SORCS3: variants seen among roughly 807,000 people sequenced by gnomAD.
SORCS3 encodes VPS10 domain-containing receptor SorCS3.
Under a neutral mutation model 146.3 loss-of-function variants are expected in SORCS3, and 57 were observed. The ratio of observed to expected loss-of-function variants is 0.39; its 90% CI spans 0.31 to 0.49. SORCS3 has a LOEUF of 0.49. Ranked by LOEUF, SORCS3 falls within the 20% of genes least tolerant of loss-of-function variation. The probability of loss-of-function intolerance (pLI) is 0.92; values close to 1 mark genes in which losing one functional copy is unlikely to be tolerated. For missense variants in SORCS3, 1,341 were observed against 1,575.5 expected (o/e 0.85, Z 2.52); for synonymous variants, 653 against 618.5 (o/e 1.06, Z -0.83).
At chr10:104,696,715 TATATAACATATATA>T (rs1418312825) in intron 1 of SORCS3, among the ~76,000 whole-genome samples, 4 of 87,470 alleles carry the variant, frequency 4.6e-5, no homozygotes, top group South Asian at 3.2e-4. Context: ...GTATATATAA[TATATAACATATATA>T]ATATATAATA....
At chr10:105,072,122 T>C (rs2055560063) in intron 5 of SORCS3, among the ~76,000 whole-genome samples, 3 of 152,174 alleles carry the variant, frequency 2.0e-5, no homozygotes, top group African/African-American at 7.2e-5. Context: ...CTATTCTTGC[T>C]GGGTTGCAAT....
chr10:104,716,223 C>T (rs980988638), intron 1 of SORCS3, among the ~76,000 whole-genome samples: 1 of 152,072 alleles, frequency 6.6e-6, no homozygotes, highest in Non-Finnish European at 1.5e-5. Flanking sequence ...GATTATCTTT[C>T]CCAAACTAGA....
At chr10:104,949,651 A>G (rs1240587010) in intron 3 of SORCS3, among the ~76,000 whole-genome samples, 3 of 152,208 alleles carry the variant, frequency 2.0e-5, no homozygotes, top group African/African-American at 4.8e-5. Flanking sequence ...TAGGTTTTGC[A>G]TCTTTGTTCA....
chr10:105,135,547 GC>G (rs2056053365), intron 7 of SORCS3, among the ~76,000 whole-genome samples: 1 of 152,136 alleles, frequency 6.6e-6, no homozygotes, highest in Admixed American at 6.5e-5. Context: ...ACATGGCCAG[GC>G]TGAGAATTTT....
At chr10:104,723,993 G>C (rs965831749) in intron 1 of SORCS3, among the ~76,000 whole-genome samples, 1 of 152,114 alleles carries the variant, frequency 6.6e-6, no homozygotes, top group Non-Finnish European at 1.5e-5. Flanking sequence ...TTAATATTGT[G>C]ATGTGTGAAT....
rs890919245 is a variant in SORCS3, at chr10:105,103,374, A to G, written c.1094-2023A>G. ...CATGTCATACAAAGTTATTCAGGCCATATCCTAAGGCACTCAGCAATAGTG... is the reference window on the plus strand; with the variant it reads ...CATGTCATACAAAGTTATTCAGGCCGTATCCTAAGGCACTCAGCAATAGTG... On this transcript the variant is annotated intron_variant, in intron 6 of 26. Coordinates refer to ENST00000369701, the MANE Select transcript of SORCS3 (RefSeq NM_014978.3). 4.6e-5 allele frequency among the ~76,000 whole-genome samples: 7 copies of G among 152,222 alleles called. No individual in the cohort carries two copies. In the South Asian group the frequency reaches 6.2e-4, roughly 13 times the overall value.
chr10:105,060,188 G>C (rs2055475349), intron 5 of SORCS3, among the ~76,000 whole-genome samples: 1 of 152,178 alleles, frequency 6.6e-6, no homozygotes. Context: ...AGGCAAGCTT[G>C]TGTGCGTGCT....
chr10:105,180,130 G>C (rs2056434334), intron 14 of SORCS3, among the ~76,000 whole-genome samples: 1 of 152,198 alleles, frequency 6.6e-6, no homozygotes, highest in African/African-American at 2.4e-5. Flanking sequence ...GAAATTATTT[G>C]TCTGCAAGGA....
intron 1 of SORCS3, among the ~76,000 whole-genome samples, chr10:104,837,336 T>C (rs762338479): frequency 3.9e-5 from 6 of 152,222 alleles, no homozygotes; most frequent in Non-Finnish European, 7.3e-5. Flanking sequence ...AAAATAGTTA[T>C]ATGTACCTAT....
intron 25 of SORCS3, among the ~76,000 whole-genome samples, chr10:105,258,534 A>G (rs1167218912): frequency 2.6e-5 from 4 of 152,222 alleles, no homozygotes; most frequent in Admixed American, 2.0e-4. Context: ...ACAAGGGCCA[A>G]TAGAAGTCCT....
At chr10:104,921,008 G>T (rs748662513) in intron 3 of SORCS3, among the ~76,000 whole-genome samples, 5 of 152,224 alleles carry the variant, frequency 3.3e-5, no homozygotes, top group Non-Finnish European at 7.3e-5. Flanking sequence ...AATGTGTCTG[G>T]TTGGTACTTG....
chr10:105,041,067 A>ATATG (rs200334949), intron 4 of SORCS3, among the ~76,000 whole-genome samples: 7 of 117,560 alleles, frequency 6.0e-5, no homozygotes, highest in African/African-American at 1.3e-4. Flanking sequence ...ATATAAATAT[A>ATATG]TATGTATGTA....
intron 4 of SORCS3, among the ~76,000 whole-genome samples, chr10:104,979,330 C>A (rs1278512114): frequency 6.6e-6 from 1 of 152,138 alleles, no homozygotes; most frequent in Non-Finnish European, 1.5e-5. Context: ...TAGATGATTT[C>A]CTCTTTGTAT....
chr10:104,644,567 T>G (rs990654648), intron 1 of SORCS3, among the ~76,000 whole-genome samples: 2 of 151,648 alleles, frequency 1.3e-5, no homozygotes, highest in Admixed American at 6.6e-5. Flanking sequence ...GGGTGAAGAG[T>G]GATGGGGATG....
At chr10:105,043,853 G>A (rs181584266) in intron 5 of SORCS3, among the ~76,000 whole-genome samples, 1 of 152,076 alleles carries the variant, frequency 6.6e-6, no homozygotes, top group Non-Finnish European at 1.5e-5. Context: ...CTCCTAATCA[G>A]GAAGTGTTTT....
At chr10:104,835,701 C>T (rs2018058256) in intron 1 of SORCS3, among the ~76,000 whole-genome samples, 1 of 152,170 alleles carries the variant, frequency 6.6e-6, no homozygotes, top group Non-Finnish European at 1.5e-5. Context: ...TTGCGGCCTC[C>T]TGCATTGCAG....
At chr10:104,995,787 G>T (rs1419864843) in intron 4 of SORCS3, among the ~76,000 whole-genome samples, 3 of 151,984 alleles carry the variant, frequency 2.0e-5, no homozygotes, top group African/African-American at 4.8e-5. Context: ...TCAATTTTTT[G>T]GATCATATTA....
chr10:105,153,791 C>T lies in SORCS3; in HGVS notation c.1483-3347C>T, dbSNP rs148711272. 2.4e-3 allele frequency among the ~76,000 whole-genome samples: 360 copies of T among 152,110 alleles called. 1 individual carries two copies. The highest frequency in any genetic ancestry group is 8.0e-3 in the African/African-American group (334 of 41,508). On this transcript the variant is annotated intron_variant, in intron 9 of 26. Transcript: ENST00000369701. ...GGATGGATAAAATGAAACTTCGAGG[C>T]TGGGCGCGGTGGCTCACACCTGTAA... is the stretch of plus-strand genomic sequence containing the variant.
At chr10:105,263,180 G>C in intron 26 of SORCS3, 130 bp from the exon 27 acceptor site, 1 of 732,426 alleles carries the variant, frequency 1.4e-6, no homozygotes, top group South Asian at 1.9e-5. Flanking sequence ...ACGATATCCG[G>C]GTGCCTTTTA....
Sources: gnomAD v4.1 joint callset for allele counts (sites outside exome capture counted in the v4.1 genomes callset) on GRCh38, gnomAD v4.1.1 for gene constraint, MANE v1.5 for transcripts, NCBI Gene and HGNC (gene_info 2026-07-23, HGNC 2026-07-21) for gene names.